CHRNA6: variants seen among roughly 807,000 people sequenced by gnomAD.
The protein encoded by CHRNA6 is neuronal acetylcholine receptor subunit alpha-6.
CHRNA6 carries 31 observed loss-of-function variants against 40.9 expected under a neutral mutation model. The observed-to-expected ratio is 0.76, with a 90% CI of 0.57 to 1.02. The LOEUF (loss-of-function observed/expected upper bound fraction) is 1.02. Ranked by LOEUF, CHRNA6 falls within the 50% of genes least tolerant of loss-of-function variation. The pLI, the probability that CHRNA6 is intolerant of heterozygous loss-of-function variation, is 0.00. For missense variants in CHRNA6, 546 were observed against 596.6 expected (o/e 0.92, Z 0.88); for synonymous variants, 222 against 221.3 (o/e 1.00, Z -0.03).
rs369926018 is a variant in CHRNA6 at position 42,765,104 on chromosome 8, C to T, written c.180G>A (p.Thr60=). 6.2e-6 allele frequency: 10 copies of T among 1,614,044 alleles called. No homozygotes were observed. The highest frequency in any genetic ancestry group is 4.5e-5 in the East Asian group (2 of 44,902). ...GGGTGATGGCCACTTCAAAGTGTAC[C>T]GTGACAGGGTCGGAAACGTTTTCCA... is the stretch of plus-strand genomic sequence containing the variant. ...RPVENVSDPV[T]VHFEVAITQL... is the part of the protein sequence containing the mutation. Residue 60 remains threonine, a synonymous_variant, in exon 2 of 6, where the codon ACG becomes ACA. Coordinates refer to ENST00000276410, the MANE Select transcript of CHRNA6 (RefSeq NM_004198.3).
At chr8:42,765,353 C>G (rs1445145743) in intron 1 of CHRNA6, 149 bp from the exon 2 acceptor site, 1 of 787,582 alleles carries the variant, frequency 1.3e-6, no homozygotes, top group Non-Finnish European at 2.0e-6. Context: ...GCGTGCTCCA[C>G]CAGTGCCCAT....
At chr8:42,753,519 CAA>C (rs896467891) in intron 5 of CHRNA6, among the ~76,000 whole-genome samples, 5 of 151,990 alleles carry the variant, frequency 3.3e-5, no homozygotes, top group Non-Finnish European at 5.9e-5. Context: ...ACTAAAAATA[CAA>C]AAGATAGCCA....
chr8:42,753,152 A>G lies in CHRNA6; in HGVS notation c.*27T>C, dbSNP rs770998077. On this transcript the variant is annotated 3_prime_UTR_variant, in exon 6 of 6. Transcript: ENST00000276410. ...TGCAGAACAAATATGGTGTCTGTAA[A>G]TTTCTGAACATAAAAGAAAATACAT... 22 of 1,581,990 alleles carry G rather than the reference A, an allele frequency of 1.4e-5. No homozygotes were observed. Among genetic ancestry groups the G allele is most frequent in the Non-Finnish European group, 1.8e-5 (21 of 1,169,844 alleles).
Position 42,756,167 on chromosome 8 carries a change from A to C in CHRNA6, c.1032T>G (p.Val344=). 6.2e-7 allele frequency: 1 copy of C among 1,614,256 alleles called. No individual in the cohort carries two copies. The highest frequency in any genetic ancestry group is 8.5e-7 in the Non-Finnish European group (1 of 1,180,046). The change falls in exon 5 of 6, where the codon GTT becomes GTG. Residue 344 remains valine (V), a synonymous_variant. Coordinates refer to ENST00000276410, the MANE Select transcript of CHRNA6 (RefSeq NM_004198.3). The part of the protein sequence containing the change: ...THTMPRWVKT[V]FLKLLPQVLL... ...GGACCTGGGGCAGCAGCTTCAGGAAAACTGTCTTCACCCACCTGGGCATTG... is the reference window on the plus strand; with the variant it reads ...GGACCTGGGGCAGCAGCTTCAGGAACACTGTCTTCACCCACCTGGGCATTG...
chr8:42,759,153 T>A (rs199977747), intron 2 of CHRNA6, 40 bp from the exon 3 acceptor site: 2 of 1,554,998 alleles, frequency 1.3e-6, no homozygotes, highest in Non-Finnish European at 1.8e-6. Context: ...CAAATGTGCT[T>A]GCCATAGAGG....
At chr8:42,764,944 A>G in intron 2 of CHRNA6, 121 bp downstream of exon 2, 1 of 1,080,616 alleles carries the variant, frequency 9.3e-7, no homozygotes. Context: ...TCCCAAATGG[A>G]TGGCTTTGAA....
At chr8:42,757,085 G>A (rs1554594069) in intron 3 of CHRNA6, 48 bp from the exon 4 acceptor site, 3 of 1,430,332 alleles carry the variant, frequency 2.1e-6, no homozygotes, top group East Asian at 2.3e-5. Flanking sequence ...TAACTTTCGG[G>A]CCAGGCATGG....
At position 42,753,121 on chromosome 8, in the gene CHRNA6, A is replaced by G; in HGVS notation, c.*58T>C. The G allele has an allele frequency of 3.3e-6, 5 of 1,493,958 alleles. No homozygotes were observed. The highest frequency in any genetic ancestry group is 2.2e-5 in the Admixed American group (1 of 44,686). 92.5% of individuals were successfully genotyped at this position (1,493,958 alleles called of 1,614,324 possible). A position where few individuals can be genotyped will look rare whatever the true frequency, so the allele number is the denominator to read the frequency against. On this transcript the variant is annotated 3_prime_UTR_variant, in exon 6 of 6. Coordinates refer to ENST00000276410, the MANE Select transcript of CHRNA6 (RefSeq NM_004198.3). ...GCCTTTGCTTTCCTTTCCTTGTGGC[A>G]GGGAATGCAGAACAAATATGGTGTC...
rs200331504 is a variant in CHRNA6, at chr8:42,756,244, C to T, written c.955G>A (p.Val319Met). The T allele has an allele frequency of 1.4e-3, 2,243 of 1,614,192 alleles. 54 individuals are homozygous for T. The South Asian group carries it at 0.023, about 16-fold the overall frequency. The change falls in exon 5 of 6, where the codon GTG (valine) becomes ATG (methionine). Residue 319 changes from valine to methionine, a missense_variant. This residue lies in a region of CHRNA6 where 476 missense variants were observed against 494.5 expected (regional missense o/e 0.96). Transcript: ENST00000276410. ...FTMIFVTLSI[V>M]VTVFVLNIHY... ...ATGTTCAACACAAACACAGTCACCACGATGGACAGTGTGACAAAGATCATG... is the reference window on the plus strand; with the variant it reads ...ATGTTCAACACAAACACAGTCACCATGATGGACAGTGTGACAAAGATCATG...
At chr8:42,755,075 C>G (rs1388679246) in intron 5 of CHRNA6, among the ~76,000 whole-genome samples, 2 of 142,802 alleles carry the variant, frequency 1.4e-5, no homozygotes, top group Non-Finnish European at 3.0e-5. Context: ...GGGCCCTGAT[C>G]TGTCGTCTAT....
At position 42,765,212 on chromosome 8, in the gene CHRNA6, GC is replaced by G. The variant is rs754587290; in HGVS notation, c.80-9del. ...TTGCACAGCCCACACAGCCTGTGAG[GC>G]CAAACAAAGGGGAGAGTTAGAGCCA... On this transcript the variant is annotated splice_polypyrimidine_tract_variant and intron_variant, in intron 1 of 5. Transcript: ENST00000276410. 2 of 1,612,984 alleles carry G rather than the reference GC, an allele frequency of 1.2e-6. No individual in the cohort carries two copies. Among genetic ancestry groups the G allele is most frequent in the East Asian group, 4.5e-5 (2 of 44,870 alleles).
In CHRNA6 at chr8:42,768,446, GGA is replaced by G. The variant is rs758191044; in HGVS notation, c.-18_-17del. ...TGGTCAGCATGGTTAAAACACACTT[GGA>G]TTCCTTTTTCCTAGGCAAAGGATTG... On this transcript the variant is annotated 5_prime_UTR_variant, in exon 1 of 6. The change abolishes the stop of an existing upstream ORF in the 5' untranslated region. Coordinates refer to ENST00000276410, the MANE Select transcript of CHRNA6 (RefSeq NM_004198.3). The G allele has an allele frequency of 3.1e-6, 5 of 1,607,342 alleles. No individual in the cohort carries two copies. In the Admixed American group the frequency reaches 8.3e-5, roughly 27 times the overall value.
intron 5 of CHRNA6, among the ~76,000 whole-genome samples, chr8:42,755,520 G>A (rs1168725200): frequency 2.6e-5 from 4 of 152,128 alleles, no homozygotes; most frequent in Non-Finnish European, 4.4e-5. Flanking sequence ...CAGGTGATCC[G>A]CCTGCCTTGG....
At chr8:42,761,092 C>T (rs1816898245) in intron 2 of CHRNA6, among the ~76,000 whole-genome samples, 1 of 152,160 alleles carries the variant, frequency 6.6e-6, no homozygotes, top group African/African-American at 2.4e-5. Context: ...TCTCTTCTCC[C>T]CTACTCCATC....
chr8:42,759,825 G>C (rs1816869305), intron 2 of CHRNA6, among the ~76,000 whole-genome samples: 1 of 151,354 alleles, frequency 6.6e-6, no homozygotes, highest in African/African-American at 2.4e-5. Context: ...GCTTGAACCA[G>C]GGAGGTGGAG....
chr8:42,756,290 C>T lies in CHRNA6; in HGVS notation c.909G>A (p.Val303=). Residue 303 remains valine (V), a synonymous_variant, in exon 5 of 6, where the codon GTG becomes GTA. Coordinates refer to ENST00000276410, the MANE Select transcript of CHRNA6 (RefSeq NM_004198.3). ...TCATGGTGAACAGCAGGTACTCACC[C>T]ACCAGTGGGACCACCAGAGATGTGG... ...IPSTSLVVPL[V]GEYLLFTMIF... 6.2e-7 allele frequency: 1 copy of T among 1,614,230 alleles called. No individual in the cohort carries two copies. Among genetic ancestry groups the T allele is most frequent in the Non-Finnish European group, 8.5e-7 (1 of 1,180,038 alleles).
chr8:42,754,047 AG>A (rs1458204599), intron 5 of CHRNA6, among the ~76,000 whole-genome samples: 1 of 152,134 alleles, frequency 6.6e-6, no homozygotes. Flanking sequence ...CAGCCCTCAA[AG>A]GGATGCTGGC....
chr8:42,755,733 G>T, intron 5 of CHRNA6, 113 bp downstream of exon 5: 1 of 1,249,500 alleles, frequency 8.0e-7, no homozygotes. Flanking sequence ...TCAGAGCAAG[G>T]CCGCCTGACC....
chr8:42,768,234 G>A, intron 1 of CHRNA6, 118 bp downstream of exon 1: 1 of 692,614 alleles, frequency 1.4e-6, no homozygotes, highest in East Asian at 2.6e-5. Context: ...TAACAGTGGT[G>A]GCTCCTATGC....
Sources: allele counts gnomAD v4.1 joint callset (sites outside exome capture counted in the v4.1 genomes callset), GRCh38; gene constraint gnomAD v4.1.1; regional missense constraint gnomAD v4.1.1; transcripts MANE v1.5; gene names NCBI Gene and HGNC (gene_info 2026-07-23, HGNC 2026-07-21).